Variants in SGK2 observed in about 807,000 individuals in gnomAD.
SGK2 encodes serum/glucocorticoid regulated kinase 2, also known as serine/threonine-protein kinase Sgk2.
A neutral mutation model predicts 47.5 loss-of-function variants in SGK2; 36 were observed. The observed-to-expected ratio is 0.76, with a 90% CI of 0.58 to 1.00. The LOEUF (loss-of-function observed/expected upper bound fraction) is 1.00, where lower values mean the gene tolerates loss of function less well. Ranked by LOEUF, SGK2 falls within the 50% of genes least tolerant of loss-of-function variation. SGK2 has a pLI of 0.00. For synonymous variants in SGK2, 157 were observed against 181.9 expected, an observed-to-expected ratio of 0.86 and a Z score of 1.10; for missense variants, 404 against 467.4, an observed-to-expected ratio of 0.86 and a Z score of 1.25.
At chr20:43,575,816 A>T (rs1240207766) in intron 10 of SGK2, among the ~76,000 whole-genome samples, 1 of 152,010 alleles carries the variant, frequency 6.6e-6, no homozygotes, top group Admixed American at 6.6e-5. Context: ...AGAGAAGGGG[A>T]CCCTGGATAT....
intron 9 of SGK2, among the ~76,000 whole-genome samples, chr20:43,574,662 G>A (rs1261786090): frequency 1.3e-5 from 2 of 152,228 alleles, no homozygotes; most frequent in Non-Finnish European, 2.9e-5. Context: ...GTGCTTTTGT[G>A]TGGTACACAC....
chr20:43,576,729 C>G (rs759634363), intron 11 of SGK2, among the ~76,000 whole-genome samples: 1 of 152,216 alleles, frequency 6.6e-6, no homozygotes, highest in Non-Finnish European at 1.5e-5. Flanking sequence ...CACCTGAAGT[C>G]AGAAGTTCGA....
At chr20:43,571,095 G>GTGTA (rs1980098839) in intron 8 of SGK2, 35 bp downstream of exon 8, 2 of 1,602,302 alleles carry the variant, frequency 1.2e-6, no homozygotes, top group East Asian at 4.5e-5. Flanking sequence ...GTGTGTGTGT[G>GTGTA]TGTGTGTATG....
chr20:43,570,751 G>A (rs773352335), intron 7 of SGK2, 22 bp downstream of exon 7: 1 of 1,563,798 alleles, frequency 6.4e-7, no homozygotes, highest in African/African-American at 1.4e-5. Context: ...CTGTGGCTCA[G>A]AGCCAGGACC....
chr20:43,559,889 T>A (rs1221469589), intron 1 of SGK2, among the ~76,000 whole-genome samples: 1 of 152,080 alleles, frequency 6.6e-6, no homozygotes, highest in Non-Finnish European at 1.5e-5. Context: ...GGGAGGCAAG[T>A]CTGGGCTGTG....
rs570115447 is a variant in SGK2 at position 43,566,176 on chromosome 20, G to C, written c.-23-297G>C. 4 of 642,530 alleles carry C rather than the reference G, an allele frequency of 6.2e-6. No homozygotes were observed. In the South Asian group the frequency reaches 9.5e-5, roughly 15 times the overall value. 39.8% of individuals were successfully genotyped at this position (642,530 alleles called of 1,614,324 possible). A position where few individuals can be genotyped will look rare whatever the true frequency, so the allele number is the denominator to read the frequency against. On this transcript the variant is annotated intron_variant, in intron 1 of 12. Coordinates refer to ENST00000373100, the MANE Select transcript of SGK2 (RefSeq NM_170693.3). Reference sequence around the variant, plus strand: ...CTTCTGGAGCTACCCTGGCTCACAGGGGTCTTGTTGCCCTGGGTGTCCCCA... The same window carrying C: ...CTTCTGGAGCTACCCTGGCTCACAGCGGTCTTGTTGCCCTGGGTGTCCCCA...
In SGK2 at chr20:43,572,430, C is replaced by T. The variant is rs2145545250; in HGVS notation, c.597+293C>T. Among the ~76,000 whole-genome samples the T allele has an allele frequency of 6.6e-6, 1 of 152,310 alleles. No individual in the cohort carries two copies. The highest frequency in any genetic ancestry group is 2.1e-4 in the South Asian group (1 of 4,834). ...GTGGCTCACGCCTGTAATCCCAGCACTTTGGGAGGCTGAGGTGGGCAGATC... is the reference window on the plus strand; with the variant it reads ...GTGGCTCACGCCTGTAATCCCAGCATTTTGGGAGGCTGAGGTGGGCAGATC... On this transcript the variant is annotated intron_variant, in intron 9 of 12. Coordinates refer to ENST00000373100, the MANE Select transcript of SGK2 (RefSeq NM_170693.3). The surrounding 1 kb of genome is among the most constrained non-coding windows in gnomAD (Gnocchi z 4.2).
intron 11 of SGK2, 63 bp downstream of exon 11, chr20:43,576,442 T>C: frequency 6.8e-7 from 1 of 1,468,538 alleles, no homozygotes; most frequent in Non-Finnish European, 9.4e-7. Context: ...CAGAGGCAGC[T>C]CAGAAGCACA....
intron 1 of SGK2, among the ~76,000 whole-genome samples, chr20:43,561,736 T>G (rs1017849329): frequency 6.6e-6 from 1 of 152,122 alleles, no homozygotes; most frequent in African/African-American, 2.4e-5. Flanking sequence ...CTGGAGTTTT[T>G]GAGCAACTAA....
intron 1 of SGK2, chr20:43,566,205 C>A: frequency 3.6e-6 from 3 of 840,110 alleles, no homozygotes; most frequent in Non-Finnish European, 5.6e-6. Context: ...GTCCCCAGTT[C>A]TTGAAAAGAA....
chr20:43,572,189 G>A lies in SGK2; in HGVS notation c.597+52G>A, dbSNP rs1173795339. 1 of 1,351,790 alleles carries A rather than the reference G, an allele frequency of 7.4e-7. No homozygotes were observed. Among genetic ancestry groups the A allele is most frequent in the South Asian group, 1.3e-5 (1 of 79,868 alleles). The allele number at this position is 1,351,790 out of a possible 1,614,324, so 83.7% of individuals were successfully genotyped here. On this transcript the variant is annotated intron_variant, in intron 9 of 12. Transcript: ENST00000373100. This position sits in a 1 kb window ranked among gnomAD's most constrained non-coding sequence, Gnocchi z 4.2. Reference sequence around the variant, plus strand: ...GAGGTCATGAGTGGGTGAGGCCACAGCTCCTGATTAGAGCCAACAGGTTAC... The same window carrying A: ...GAGGTCATGAGTGGGTGAGGCCACAACTCCTGATTAGAGCCAACAGGTTAC...
chr20:43,571,853 G>T (rs896208299), intron 8 of SGK2, among the ~76,000 whole-genome samples, 198 bp from the exon 9 acceptor site: 3 of 152,190 alleles, frequency 2.0e-5, no homozygotes, highest in Non-Finnish European at 4.4e-5. Context: ...GCAAACAGTG[G>T]AATGCCCACC....
chr20:43,568,130 G>A, intron 5 of SGK2, 131 bp downstream of exon 5: 1 of 680,566 alleles, frequency 1.5e-6, no homozygotes. Flanking sequence ...ACAAAGGGTA[G>A]AGGGGAGGTG....
intron 1 of SGK2, among the ~76,000 whole-genome samples, chr20:43,564,462 C>A (rs1334897336): frequency 6.6e-6 from 1 of 152,176 alleles, no homozygotes; most frequent in African/African-American, 2.4e-5. Flanking sequence ...ATACACAGGC[C>A]CCCTAGCCGC....
chr20:43,560,035 A>G (rs923678179), intron 1 of SGK2, among the ~76,000 whole-genome samples: 5 of 152,114 alleles, frequency 3.3e-5, no homozygotes, highest in African/African-American at 1.2e-4. Context: ...GCGAGAGAGA[A>G]GAAAGCCTTA....
intron 5 of SGK2, among the ~76,000 whole-genome samples, chr20:43,568,329 A>C (rs1979875901): frequency 6.6e-6 from 1 of 152,196 alleles, no homozygotes; most frequent in Non-Finnish European, 1.5e-5. Context: ...TTCTCTCTGA[A>C]GACCCTTCAT....
intron 1 of SGK2, among the ~76,000 whole-genome samples, chr20:43,560,706 TC>T (rs969614996): frequency 1.3e-5 from 2 of 152,236 alleles, no homozygotes; most frequent in Non-Finnish European, 2.9e-5. Context: ...ACATGTATGT[TC>T]CTGTTTTGGT....
At chr20:43,573,854 G>A (rs191660561) in intron 9 of SGK2, among the ~76,000 whole-genome samples, 137 of 152,274 alleles carry the variant, frequency 9.0e-4, no homozygotes, top group African/African-American at 3.1e-3. Flanking sequence ...TTCCTTGGAC[G>A]TTGCTAGGGA....
intron 12 of SGK2, chr20:43,583,188 A>C: frequency 2.3e-6 from 3 of 1,289,540 alleles, no homozygotes; most frequent in Non-Finnish European, 3.0e-6. Context: ...GATAGGATAC[A>C]CTCGGGCCAG....
Sources: gnomAD v4.1 joint callset for allele counts (sites outside exome capture counted in the v4.1 genomes callset) on GRCh38, gnomAD v4.1.1 for gene constraint, Gnocchi (gnomAD v3.1) non-coding constraint, MANE v1.5 for transcripts, NCBI Gene and HGNC (gene_info 2026-07-23, HGNC 2026-07-21) for gene names.